The following RPS6KA5 variants were observed in gnomAD, a reference collection of about 807,000 sequenced individuals.
The protein encoded by RPS6KA5 is ribosomal protein S6 kinase alpha-5.
Under a neutral mutation model 85.5 loss-of-function variants are expected in RPS6KA5, and 27 were observed. That is an observed-to-expected ratio of 0.32 (90% CI 0.23 to 0.44). RPS6KA5 has a LOEUF of 0.44. Among genes scored for constraint, RPS6KA5 ranks in the 20% least tolerant of loss-of-function variants. The probability of loss-of-function intolerance (pLI) is 1.00; values close to 1 mark genes in which losing one functional copy is unlikely to be tolerated. For synonymous variants in RPS6KA5, 334 were observed against 348.2 expected (o/e 0.96, Z 0.46); for missense variants, 811 against 980.9 (o/e 0.83, Z 2.31).
At chr14:90,946,349 T>G (rs1378463496) in intron 4 of RPS6KA5, among the ~76,000 whole-genome samples, 1 of 152,182 alleles carries the variant, frequency 6.6e-6, no homozygotes, top group South Asian at 2.1e-4. Context: ...TCTCACACGT[T>G]TTTCATTCAG....
rs768768064 is a variant in RPS6KA5 at position 91,060,374 on chromosome 14, C to T, written c.61G>A (p.Gly21Arg). 2 of 1,506,944 alleles carry T rather than the reference C, an allele frequency of 1.3e-6. No homozygotes were observed. The highest frequency in any genetic ancestry group is 1.3e-5 in the South Asian group (1 of 78,338). The allele number at this position is 1,506,944 out of a possible 1,614,324, so 93.3% of individuals were successfully genotyped here. A position where few individuals can be genotyped will look rare whatever the true frequency, so the allele number is the denominator to read the frequency against. Residue 21 changes from glycine (G) to arginine (R), a missense_variant, in exon 1 of 17, where the codon GGA becomes AGA. Around this residue, in one of 3 missense-constraint regions of RPS6KA5, gnomAD observed 113 missense variants for 100.0 expected, o/e 1.13. Transcript: ENST00000614987. ...AAGTSADGGD[G>R]GEQLLTVKHE... ...TTGACAGTGAGGAGCTGCTCTCCTC[C>T]GTCGCCGCCGTCCGCGCTGGTCCCC...
chr14:91,024,774 C>T (rs2041922756), intron 1 of RPS6KA5, among the ~76,000 whole-genome samples: 1 of 152,044 alleles, frequency 6.6e-6, no homozygotes, highest in Admixed American at 6.6e-5. Flanking sequence ...GACCAGGGTT[C>T]TGTATTTTGG....
At chr14:91,000,331 C>G (rs2040730962) in intron 2 of RPS6KA5, among the ~76,000 whole-genome samples, 1 of 152,012 alleles carries the variant, frequency 6.6e-6, no homozygotes, top group Admixed American at 6.6e-5. Flanking sequence ...TCCATTTAAC[C>G]AAAGCCCTAT....
At chr14:91,010,755 C>G (rs1202465699) in intron 1 of RPS6KA5, among the ~76,000 whole-genome samples, 1 of 151,978 alleles carries the variant, frequency 6.6e-6, no homozygotes, top group South Asian at 2.1e-4. Flanking sequence ...AGACAGATGA[C>G]AGAGAAAACC....
At chr14:91,056,644 A>G (rs999601487) in intron 1 of RPS6KA5, among the ~76,000 whole-genome samples, 1 of 152,186 alleles carries the variant, frequency 6.6e-6, no homozygotes, top group East Asian at 1.9e-4. Flanking sequence ...TGGACAGACC[A>G]TACATGTCCT....
chr14:90,909,620 A>G (rs1349245576), intron 7 of RPS6KA5, among the ~76,000 whole-genome samples: 4 of 152,244 alleles, frequency 2.6e-5, no homozygotes, highest in African/African-American at 7.2e-5. Flanking sequence ...ATACAGCACA[A>G]GTAAGAAAAT....
chr14:90,893,341 GATTA>G (rs1470728764), intron 13 of RPS6KA5, among the ~76,000 whole-genome samples: 1 of 152,122 alleles, frequency 6.6e-6, no homozygotes, highest in African/African-American at 2.4e-5. Flanking sequence ...ATTTACTTTT[GATTA>G]ATTACTAGTA....
rs2033824131 is a variant in RPS6KA5, at chr14:90,881,350, G to C, written c.1837-5990C>G. ...CGCCTGTAATCCCAGCTACTTGGGAGGCTGAGGCATGAGAATTGCCTGAAC... is the reference window on the plus strand; with the variant it reads ...CGCCTGTAATCCCAGCTACTTGGGACGCTGAGGCATGAGAATTGCCTGAAC... On this transcript the variant is annotated intron_variant, in intron 14 of 16. Transcript: ENST00000614987. 2.0e-5 allele frequency among the ~76,000 whole-genome samples: 3 copies of C among 151,370 alleles called. No individual in the cohort carries two copies. The South Asian group carries it at 6.3e-4, about 32-fold the overall frequency.
At chr14:90,992,299 GC>G (rs1423286382) in intron 2 of RPS6KA5, among the ~76,000 whole-genome samples, 4 of 152,068 alleles carry the variant, frequency 2.6e-5, no homozygotes, top group African/African-American at 7.2e-5. Context: ...CTGTCAGCTG[GC>G]AAAAAGGAAA....
intron 1 of RPS6KA5, among the ~76,000 whole-genome samples, chr14:91,026,111 G>C (rs555915078): frequency 1.2e-4 from 18 of 152,260 alleles, no homozygotes; most frequent in Non-Finnish European, 2.5e-4. Flanking sequence ...TTCTGTTCCG[G>C]AATTAAATTC....
At chr14:90,940,303 C>A (rs1374906605) in intron 5 of RPS6KA5, among the ~76,000 whole-genome samples, 1 of 152,118 alleles carries the variant, frequency 6.6e-6, no homozygotes, top group Non-Finnish European at 1.5e-5. Context: ...CTTGAACTCT[C>A]CTATTTCATT....
chr14:90,923,240 T>C, intron 5 of RPS6KA5, 44 bp from the exon 6 acceptor site: 1 of 1,432,654 alleles, frequency 7.0e-7, no homozygotes, highest in Non-Finnish European at 9.8e-7. Context: ...CAAGCTAGTA[T>C]GACAAGTGAC....
chr14:90,886,411 C>T (rs1001891737), intron 14 of RPS6KA5, among the ~76,000 whole-genome samples: 2 of 152,194 alleles, frequency 1.3e-5, no homozygotes, highest in Non-Finnish European at 2.9e-5. Flanking sequence ...GTTCTCCTTG[C>T]ACCCGCTGGG....
At chr14:90,943,380 C>T (rs543114914) in intron 4 of RPS6KA5, among the ~76,000 whole-genome samples, 195 bp from the exon 5 acceptor site, 10 of 152,124 alleles carry the variant, frequency 6.6e-5, no homozygotes, top group African/African-American at 2.4e-4. Flanking sequence ...ACCTCTCCAA[C>T]CACGTCTTTG....
At chr14:90,888,721 G>A (rs1357269529) in intron 14 of RPS6KA5, among the ~76,000 whole-genome samples, 1 of 152,068 alleles carries the variant, frequency 6.6e-6, no homozygotes. Context: ...CTTGCGGTGG[G>A]CATAGGAGTG....
chr14:90,987,803 G>A (rs1181786321), intron 2 of RPS6KA5, among the ~76,000 whole-genome samples: 1 of 152,154 alleles, frequency 6.6e-6, no homozygotes, highest in East Asian at 1.9e-4. Flanking sequence ...AATGGTTACT[G>A]CTCATTAGAC....
chr14:90,951,488 C>CA (rs1452700531), intron 3 of RPS6KA5, among the ~76,000 whole-genome samples: 1 of 151,874 alleles, frequency 6.6e-6, no homozygotes, highest in Non-Finnish European at 1.5e-5. Context: ...AACAAAAAAA[C>CA]AAAAAACAAA....
intron 1 of RPS6KA5, among the ~76,000 whole-genome samples, chr14:91,008,882 G>C (rs539110526): frequency 6.6e-6 from 1 of 152,132 alleles, no homozygotes; most frequent in Non-Finnish European, 1.5e-5. Flanking sequence ...AAAAATGATT[G>C]CTAAAAAACA....
intron 1 of RPS6KA5, among the ~76,000 whole-genome samples, chr14:91,039,302 T>C (rs544454162): frequency 1.3e-5 from 2 of 152,218 alleles, no homozygotes; most frequent in Admixed American, 6.5e-5. Context: ...TCTAGAACCA[T>C]GGTAGATAAT....
Sources: gnomAD v4.1 joint callset for allele counts (sites outside exome capture counted in the v4.1 genomes callset) on GRCh38, gnomAD v4.1.1 for gene constraint, gnomAD v4.1.1 regional missense constraint, MANE v1.5 for transcripts, NCBI Gene and HGNC (gene_info 2026-07-23, HGNC 2026-07-21) for gene names.